The following PTPRD variants were observed in gnomAD, a reference collection of about 807,000 sequenced individuals.
The protein encoded by PTPRD is receptor-type tyrosine-protein phosphatase delta.
A neutral mutation model predicts 214.5 loss-of-function variants in PTPRD; 34 were observed. That is an observed-to-expected ratio of 0.16 (90% CI 0.12 to 0.21). The LOEUF is 0.21. Among genes scored for constraint, PTPRD ranks in the 10% least tolerant of loss-of-function variants. The pLI, the probability that PTPRD is intolerant of heterozygous loss-of-function variation, is 1.00. For missense variants in PTPRD, 2,545 were observed against 2,398.7 expected (o/e 1.06, Z -1.27); for synonymous variants, 1,128 against 845.7 (o/e 1.33, Z -5.79).
At chr9:9,967,825 C>G (rs1424330091) in intron 4 of PTPRD, among the ~76,000 whole-genome samples, 1 of 151,948 alleles carries the variant, frequency 6.6e-6, no homozygotes, top group Non-Finnish European at 1.5e-5. Context: ...AACTCAAAAT[C>G]CTTTTAAGCA....
intron 7 of PTPRD, among the ~76,000 whole-genome samples, chr9:9,603,287 G>C (rs577228017): frequency 1.3e-5 from 2 of 152,190 alleles, no homozygotes; most frequent in South Asian, 4.1e-4. Flanking sequence ...CCCTTGCATA[G>C]GCATGAGTCA....
intron 5 of PTPRD, among the ~76,000 whole-genome samples, chr9:9,807,766 C>T (rs1565417963): frequency 6.6e-6 from 1 of 152,082 alleles, no homozygotes; most frequent in African/African-American, 2.4e-5. Flanking sequence ...TCCTGGAAAA[C>T]ATAGGATTTC....
intron 3 of PTPRD, among the ~76,000 whole-genome samples, chr9:10,196,970 G>A (rs186681425): frequency 1.3e-5 from 2 of 152,186 alleles, no homozygotes; most frequent in East Asian, 1.9e-4. Flanking sequence ...GGCCCTCATC[G>A]GAACCTGACC....
At chr9:9,410,720 T>TCAATAAA (rs2075119386) in intron 8 of PTPRD, among the ~76,000 whole-genome samples, 1 of 152,218 alleles carries the variant, frequency 6.6e-6, no homozygotes, top group African/African-American at 2.4e-5. Flanking sequence ...TATTTTAGTT[T>TCAATAAA]TGTTATTTAT....
At chr9:10,491,514 T>C (rs977679778) in intron 2 of PTPRD, among the ~76,000 whole-genome samples, 1 of 151,982 alleles carries the variant, frequency 6.6e-6, no homozygotes, top group Admixed American at 6.6e-5. Context: ...TCATTTTTAT[T>C]GCATGCCTAC....
At chr9:8,937,195 G>T (rs1381699972) in intron 11 of PTPRD, among the ~76,000 whole-genome samples, 4 of 151,998 alleles carry the variant, frequency 2.6e-5, no homozygotes, top group African/African-American at 9.7e-5. Context: ...AGACAGTCAC[G>T]GTGACATTAC....
At chr9:8,332,417 A>G (rs577112825) in intron 43 of PTPRD, among the ~76,000 whole-genome samples, 1 of 152,160 alleles carries the variant, frequency 6.6e-6, no homozygotes, top group Non-Finnish European at 1.5e-5. Context: ...TGGGAAGTAA[A>G]GCATCCCTCA....
intron 11 of PTPRD, among the ~76,000 whole-genome samples, chr9:8,915,680 C>T (rs968278863): frequency 7.2e-5 from 11 of 152,134 alleles, no homozygotes; most frequent in Admixed American, 7.2e-4. Context: ...TGTTTCAACT[C>T]AAGTCCGAAG....
At chr9:8,678,567 A>C (rs1015747136) in intron 12 of PTPRD, among the ~76,000 whole-genome samples, 1 of 152,116 alleles carries the variant, frequency 6.6e-6, no homozygotes. Flanking sequence ...AACAATCAAT[A>C]CTTCTCAATA....
intron 2 of PTPRD, among the ~76,000 whole-genome samples, chr9:10,417,490 G>C (rs1249627887): frequency 1.3e-5 from 2 of 151,864 alleles, no homozygotes; most frequent in Non-Finnish European, 1.5e-5. Flanking sequence ...AGTATAGCAA[G>C]TGTAATGTGA....
At chr9:9,902,525 A>T (rs369399685) in intron 5 of PTPRD, among the ~76,000 whole-genome samples, 5 of 152,152 alleles carry the variant, frequency 3.3e-5, no homozygotes, top group African/African-American at 9.6e-5. Context: ...TGGTCTCAAG[A>T]TAACCACAGT....
At chr9:10,497,091 A>C (rs2042287947) in intron 2 of PTPRD, among the ~76,000 whole-genome samples, 1 of 151,908 alleles carries the variant, frequency 6.6e-6, no homozygotes, top group Admixed American at 6.6e-5. Flanking sequence ...AATAGGAGCT[A>C]AACACTGGGC....
chr9:9,763,308 A>G (rs142617447), intron 6 of PTPRD, among the ~76,000 whole-genome samples: 24 of 152,320 alleles, frequency 1.6e-4, no homozygotes, highest in African/African-American at 5.5e-4. Flanking sequence ...TCTTTTTCTA[A>G]GCATTTTCCT....
chr9:9,157,116 G>A (rs1485162752), intron 10 of PTPRD, among the ~76,000 whole-genome samples: 2 of 152,108 alleles, frequency 1.3e-5, no homozygotes, highest in Non-Finnish European at 2.9e-5. Flanking sequence ...AAAACTTAAG[G>A]AATGTAGCAA....
chr9:8,741,513 C>T (rs772316515), intron 11 of PTPRD, among the ~76,000 whole-genome samples: 3 of 150,244 alleles, frequency 2.0e-5, no homozygotes, highest in Non-Finnish European at 3.0e-5. Context: ...TGCAATCCAG[C>T]CACTTTCCAC....
chr9:10,582,090 G>A (rs1591422390), intron 2 of PTPRD, among the ~76,000 whole-genome samples: 1 of 152,088 alleles, frequency 6.6e-6, no homozygotes, highest in East Asian at 1.9e-4. Context: ...GTGCTTCTTG[G>A]CAGTCCTGTG....
chr9:9,148,818 A>T (rs1353341568), intron 10 of PTPRD, among the ~76,000 whole-genome samples: 1 of 152,166 alleles, frequency 6.6e-6, no homozygotes, highest in African/African-American at 2.4e-5. Flanking sequence ...TGAATATTTA[A>T]TTTTAGTACT....
intron 7 of PTPRD, among the ~76,000 whole-genome samples, chr9:9,727,130 T>C (rs1189242190): frequency 2.6e-5 from 4 of 152,146 alleles, no homozygotes; most frequent in African/African-American, 7.2e-5. Context: ...AGCAATATGA[T>C]AGATAATGTC....
intron 11 of PTPRD, among the ~76,000 whole-genome samples, chr9:8,827,647 C>T (rs900832467): frequency 6.6e-6 from 1 of 152,082 alleles, no homozygotes; most frequent in Non-Finnish European, 1.5e-5. Flanking sequence ...CAGAAAGTAA[C>T]CAAATTCCTT....
Sources: gnomAD v4.1 joint callset for allele counts (sites outside exome capture counted in the v4.1 genomes callset) on GRCh38, gnomAD v4.1.1 for gene constraint, MANE v1.5 for transcripts, NCBI Gene and HGNC (gene_info 2026-07-23, HGNC 2026-07-21) for gene names.